Variants in ABCC8 observed in about 807,000 individuals in gnomAD.
ABCC8 encodes ATP binding cassette subfamily C member 8.
Under a neutral mutation model 188.0 loss-of-function variants are expected in ABCC8, and 137 were observed. The ratio of observed to expected loss-of-function variants is 0.73; its 90% CI spans 0.63 to 0.84. ABCC8 has a LOEUF of 0.84. Ranked by LOEUF, ABCC8 falls within the 40% of genes least tolerant of loss-of-function variation. The pLI, the probability that ABCC8 is intolerant of heterozygous loss-of-function variation, is 0.00. For synonymous variants in ABCC8, 797 were observed against 846.5 expected (o/e 0.94, Z 1.01); for missense variants, 1,750 against 2,072.7 (o/e 0.84, Z 3.02).
chr11:17,421,306 G>T (rs756972009), intron 16 of ABCC8, among the ~76,000 whole-genome samples: 2 of 152,266 alleles, frequency 1.3e-5, no homozygotes, highest in Middle Eastern at 6.8e-3. Flanking sequence ...ATGCACTAAC[G>T]GTATTTGCTC....
chr11:17,448,785 C>T (rs953982750), intron 7 of ABCC8, 114 bp from the exon 8 acceptor site: 1 of 1,564,830 alleles, frequency 6.4e-7, no homozygotes, highest in African/African-American at 1.3e-5. Flanking sequence ...CCATGGTGCC[C>T]TAGAGCAGCT....
At chr11:17,418,678 C>T (rs1349114704) in intron 16 of ABCC8, among the ~76,000 whole-genome samples, 2 of 152,140 alleles carry the variant, frequency 1.3e-5, no homozygotes, top group African/African-American at 2.4e-5. Context: ...ACAGTAAGCT[C>T]TCCAGGCCCT....
chr11:17,440,542 G>A (rs1047808431), intron 10 of ABCC8, among the ~76,000 whole-genome samples: 2 of 152,194 alleles, frequency 1.3e-5, no homozygotes, highest in Non-Finnish European at 2.9e-5. Context: ...TGAGGATAAC[G>A]GGGAGAGACC....
intron 31 of ABCC8, 31 bp downstream of exon 31, chr11:17,397,653 C>A: frequency 4.4e-6 from 7 of 1,605,080 alleles, no homozygotes; most frequent in Non-Finnish European, 5.9e-6. Context: ...GGTGTCTGAC[C>A]CCTCCTCTGC....
At chr11:17,450,298 CTTTCTTTCTTTCTTTCTTTCTT>C (rs1591852356) in intron 7 of ABCC8, among the ~76,000 whole-genome samples, 1 of 134,198 alleles carries the variant, frequency 7.5e-6, no homozygotes, top group Middle Eastern at 3.5e-3. Flanking sequence ...TTCTTTCTTT[CTTTCTTTCTTTCTTTCTTTCTT>C]TCTTTCTCTC....
intron 29 of ABCC8, among the ~76,000 whole-genome samples, chr11:17,400,723 C>T (rs532861721): frequency 6.6e-6 from 1 of 152,352 alleles, no homozygotes; most frequent in African/African-American, 2.4e-5. Flanking sequence ...CCAGCCCCCG[C>T]AGTCTGTGTG....
rs138141427 is a variant in ABCC8, at chr11:17,397,206, G to A, written c.3975C>T (p.Tyr1325=). The change falls in exon 32 of 39, where the codon TAC becomes TAT. Residue 1325 remains tyrosine (Y), a synonymous_variant. Transcript: ENST00000389817. ...TGAGCCTCTCACCCAGGAGCCCCTC[G>A]TAGCTCTCTGCCTCGGTTTTCAGGA... ...HGLLKTEAES[Y]EGLLAPSLIP... is the part of the protein sequence containing the mutation. The A allele has an allele frequency of 2.4e-4, 393 of 1,613,572 alleles. 3 individuals are homozygous for A. In the African/African-American group the frequency reaches 3.5e-3, roughly 14 times the overall value.
chr11:17,467,118 A>T (rs2133700604), intron 3 of ABCC8, among the ~76,000 whole-genome samples: 2 of 150,906 alleles, frequency 1.3e-5, no homozygotes, highest in Middle Eastern at 3.4e-3. Flanking sequence ...AAAGGCAAAC[A>T]TCTGTGGTAT....
chr11:17,458,390 GC>G (rs1313006620), intron 6 of ABCC8, among the ~76,000 whole-genome samples: 1 of 152,228 alleles, frequency 6.6e-6, no homozygotes, highest in East Asian at 1.9e-4. Context: ...AATTCTAAGT[GC>G]TTTCGCCATC....
At chr11:17,397,928 G>T in intron 30 of ABCC8, 131 bp from the exon 31 acceptor site, 2 of 1,504,258 alleles carry the variant, frequency 1.3e-6, no homozygotes, top group Non-Finnish European at 1.8e-6. Flanking sequence ...TCATGCACAC[G>T]TCACCAGACA....
At chr11:17,439,573 C>T (rs1956233410) in intron 10 of ABCC8, among the ~76,000 whole-genome samples, 1 of 152,080 alleles carries the variant, frequency 6.6e-6, no homozygotes, top group East Asian at 1.9e-4. Context: ...CAGGAGGTAC[C>T]CTGCACCCTA....
intron 28 of ABCC8, among the ~76,000 whole-genome samples, chr11:17,403,168 G>A (rs758332118): frequency 7.9e-5 from 12 of 152,100 alleles, no homozygotes; most frequent in Non-Finnish European, 1.5e-4. Flanking sequence ...GTTCAACCCC[G>A]TCTTCCGCTT....
At chr11:17,422,767 T>C (rs998901398) in intron 16 of ABCC8, among the ~76,000 whole-genome samples, 1 of 152,198 alleles carries the variant, frequency 6.6e-6, no homozygotes, top group Non-Finnish European at 1.5e-5. Context: ...TCAGACCTAC[T>C]ACATGGGATC....
In ABCC8 at chr11:17,398,350, C is replaced by T; in HGVS notation, c.3742G>A (p.Glu1248Lys). 6.2e-7 allele frequency: 1 copy of T among 1,614,140 alleles called. No homozygotes were observed. Among genetic ancestry groups the T allele is most frequent in the South Asian group, 1.1e-5 (1 of 91,086 alleles). The part of the protein sequence containing the change: ...LFLTAANRWL[E>K]VRMEYIGACV... ...GGAATAGCACTTGCCATTCGGACTTCCAGCCATCTGTTGGCAGCTGTGAGG... is the reference window on the plus strand; with the variant it reads ...GGAATAGCACTTGCCATTCGGACTTTCAGCCATCTGTTGGCAGCTGTGAGG... Residue 1248 changes from glutamate to lysine, a missense_variant, in exon 30 of 39, where the codon GAA (glutamate) becomes AAA (lysine). Physicochemically the swap from Glu to Lys is moderately conservative, Grantham distance 56. Transcript: ENST00000389817.
At chr11:17,455,806 A>T (rs1165407528) in intron 6 of ABCC8, among the ~76,000 whole-genome samples, 1 of 151,886 alleles carries the variant, frequency 6.6e-6, no homozygotes, top group Non-Finnish European at 1.5e-5. Context: ...GGACATGGTG[A>T]TGCATGCCTG....
At position 17,427,297 on chromosome 11, in the gene ABCC8, C is replaced by T. The variant is rs1008759589; in HGVS notation, c.2117-143G>A. The T allele has an allele frequency of 2.2e-6, 3 of 1,350,102 alleles. No homozygotes were observed. Among genetic ancestry groups the T allele is most frequent in the Admixed American group, 3.1e-5 (1 of 32,144 alleles). The allele number at this position is 1,350,102 out of a possible 1,614,324, so 83.6% of individuals were successfully genotyped here. A position where few individuals can be genotyped will look rare whatever the true frequency, so the allele number is the denominator to read the frequency against. On this transcript the variant is annotated intron_variant, in intron 15 of 38. Transcript: ENST00000389817. This position sits in a 1 kb window ranked among gnomAD's most constrained non-coding sequence, Gnocchi z 5.0. ...ACCTAGAATCCCCAGCAAGTCCTCT[C>T]CCTCTTTAATCCTTTCCTTCTGGAA... is the stretch of plus-strand genomic sequence containing the variant.
Position 17,430,943 on chromosome 11 carries a change from A to T in ABCC8, c.1688T>A (p.Val563Asp). ...GAAGTCGGCCTCTTTGAAGAAGCTGACGTGGCCCACGAAAGTCTGTGGACA... is the reference window on the plus strand; with the variant it reads ...GAAGTCGGCCTCTTTGAAGAAGCTGTCGTGGCCCACGAAAGTCTGTGGACA... Reference protein sequence around the residue: ...AAVLITFVGHVSFFKEADFSP... With the variant: ...AAVLITFVGHDSFFKEADFSP... Residue 563 changes from valine to aspartate, a missense_variant, in exon 12 of 39, where the codon GTC becomes GAC. Transcript: ENST00000389817. 2 of 1,614,208 alleles carry T rather than the reference A, an allele frequency of 1.2e-6. No homozygotes were observed. Among genetic ancestry groups the T allele is most frequent in the Non-Finnish European group, 1.7e-6 (2 of 1,180,014 alleles).
At chr11:17,443,415 C>G (rs1956403198) in intron 8 of ABCC8, 103 bp from the exon 9 acceptor site, 3 of 1,590,622 alleles carry the variant, frequency 1.9e-6, no homozygotes, top group Non-Finnish European at 1.7e-6. Context: ...GTGGGACAAG[C>G]CTTGGTGCCC....
At chr11:17,459,787 A>T (rs1957119683) in intron 6 of ABCC8, among the ~76,000 whole-genome samples, 1 of 152,232 alleles carries the variant, frequency 6.6e-6, no homozygotes. Flanking sequence ...GGCCCCACGC[A>T]GGGCAAATAA....
Sources: gnomAD v4.1 joint callset for allele counts (sites outside exome capture counted in the v4.1 genomes callset) on GRCh38, gnomAD v4.1.1 for gene constraint, Gnocchi (gnomAD v3.1) non-coding constraint, MANE v1.5 for transcripts, NCBI Gene and HGNC (gene_info 2026-07-23, HGNC 2026-07-21) for gene names.